ZNF195: variants seen among roughly 807,000 people sequenced by gnomAD.
The protein encoded by ZNF195 is zinc finger protein 195, also known as hypoxia-regulated factor-1.
Under a neutral mutation model 19.5 loss-of-function variants are expected in ZNF195, and 11 were observed. The ratio of observed to expected loss-of-function variants is 0.57; its 90% confidence interval spans 0.36 to 0.94. The LOEUF (loss-of-function observed/expected upper bound fraction) is 0.94. Among genes scored for constraint, ZNF195 ranks in the 40% least tolerant of loss-of-function variants. The pLI, the probability that ZNF195 is intolerant of heterozygous loss-of-function variation, is 0.01. For synonymous variants in ZNF195, 214 were observed against 248.1 expected (o/e 0.86, Z 1.29); for missense variants, 582 against 709.0 (o/e 0.82, Z 2.03).
intron 1 of ZNF195, chr11:3,377,684 G>A (rs1228211010): frequency 2.5e-6 from 3 of 1,214,126 alleles, no homozygotes; most frequent in Admixed American, 5.8e-5. Context: ...CCCTGGAGAG[G>A]CCACACTTCA....
At chr11:3,378,275 AC>A (rs1849565542) in intron 1 of ZNF195, among the ~76,000 whole-genome samples, 1 of 151,988 alleles carries the variant, frequency 6.6e-6, no homozygotes, top group Non-Finnish European at 1.5e-5. Flanking sequence ...GCGCCACTGC[AC>A]TCCAGCCTGG....
Position 3,359,362 on chromosome 11 carries a change from G to C in ZNF195, c.1646C>G (p.Pro549Arg). 6.2e-7 allele frequency: 1 copy of C among 1,614,014 alleles called. No homozygotes were observed. The highest frequency in any genetic ancestry group is 8.5e-7 in the Non-Finnish European group (1 of 1,179,988). Reference sequence around the variant, plus strand: ...TCTGCCACATTCTTCACACTTGTAGGGTTTCTCTCCAGTATGAATTCTCTT... The same window carrying C: ...TCTGCCACATTCTTCACACTTGTAGCGTTTCTCTCCAGTATGAATTCTCTT... The part of the protein sequence containing the change: ...VHKRIHTGEK[P>R]YKCEECGRVF... Residue 549 changes from proline to arginine, a missense_variant, in exon 6 of 6, where the codon CCC becomes CGC. Pro to Arg is a moderately radical substitution (Grantham distance 103, BLOSUM62 -2). This residue lies in a region of ZNF195 where 407 missense variants were observed against 530.5 expected (regional missense o/e 0.77). Transcript: ENST00000399602. This position sits in a 1 kb window ranked among gnomAD's most constrained non-coding sequence, Gnocchi z 5.5.
intron 3 of ZNF195, among the ~76,000 whole-genome samples, chr11:3,365,992 T>A (rs923760608): frequency 6.6e-6 from 1 of 152,066 alleles, no homozygotes; most frequent in Non-Finnish European, 1.5e-5. Context: ...GTGTGGTGGC[T>A]CACGCCTATA....
Position 3,379,071 on chromosome 11 carries a change from C to T in ZNF195, c.-31G>A, listed in dbSNP as rs760471672. 2 of 1,494,474 alleles carry T rather than the reference C, an allele frequency of 1.3e-6. No homozygotes were observed. The highest frequency in any genetic ancestry group is 1.8e-6 in the Non-Finnish European group (2 of 1,111,814). 92.6% of individuals were successfully genotyped at this position (1,494,474 alleles called of 1,614,324 possible). Reference sequence around the variant, plus strand: ...GGCCTCCAGAGAGCCTGGCGTTTCACTTCTGGATCTCCCGGTGCCTGCGGG... The same window carrying T: ...GGCCTCCAGAGAGCCTGGCGTTTCATTTCTGGATCTCCCGGTGCCTGCGGG... On this transcript the variant is annotated 5_prime_UTR_variant, in exon 1 of 6. The change creates a new upstream start codon in the 5' untranslated region. Transcript: ENST00000399602.
chr11:3,360,567 T>G lies in ZNF195; in HGVS notation c.443-2A>C. On this transcript the variant is annotated splice_acceptor_variant, in intron 5 of 5. Transcript: ENST00000399602. LOFTEE classifies it high-confidence loss of function. ...CTTGGGTAAAATGAGAAGACATAGC[T>G]GAAAAAAAAAAAAAAAGTTATCCGA... The G allele has an allele frequency of 6.6e-7, 1 of 1,519,286 alleles. No individual in the cohort carries two copies. Among genetic ancestry groups the G allele is most frequent in the Admixed American group, 2.3e-5 (1 of 43,914 alleles). 94.1% of individuals were successfully genotyped at this position (1,519,286 alleles called of 1,614,324 possible).
intron 3 of ZNF195, among the ~76,000 whole-genome samples, chr11:3,367,463 A>C (rs1848955814): frequency 6.6e-6 from 1 of 152,104 alleles, no homozygotes; most frequent in African/African-American, 2.4e-5. Flanking sequence ...ACTGGCATGC[A>C]GTGGACAGCA....
chr11:3,373,132 G>A (rs1010774766), intron 1 of ZNF195, among the ~76,000 whole-genome samples: 12 of 152,208 alleles, frequency 7.9e-5, no homozygotes, highest in African/African-American at 2.9e-4. Context: ...GAGTTATTCT[G>A]AGAGATAAAT....
intron 3 of ZNF195, among the ~76,000 whole-genome samples, chr11:3,367,385 G>T (rs907385442): frequency 6.6e-6 from 1 of 151,992 alleles, no homozygotes; most frequent in African/African-American, 2.4e-5. Context: ...CATTAAAAAA[G>T]AATTTGCCTA....
Position 3,360,302 on chromosome 11 carries a change from T to C in ZNF195, c.706A>G (p.Ile236Val), listed in dbSNP as rs1484642387. The change falls in exon 6 of 6, where the codon ATA (isoleucine) becomes GTA (valine). Residue 236 changes from isoleucine (I) to valine (V), a missense_variant. Transcript: ENST00000399602. ...AAAGGTTTCTCTCCAGTATTACTTA[T>C]ATTACGTCTATGTAAATTTGAAAAG... is the stretch of plus-strand genomic sequence containing the variant. The part of the protein sequence containing the change: ...DNFSNLHRRN[I>V]SNTGEKPFKC... The C allele has an allele frequency of 2.5e-6, 4 of 1,606,874 alleles. No homozygotes were observed. Among genetic ancestry groups the C allele is most frequent in the East Asian group, 4.5e-5 (2 of 44,844 alleles).
At chr11:3,361,073 A>G (rs1469989059) in intron 4 of ZNF195, among the ~76,000 whole-genome samples, 1 of 152,260 alleles carries the variant, frequency 6.6e-6, no homozygotes, top group African/African-American at 2.4e-5. Context: ...TGACAGCGGT[A>G]GGAAGGCTGC....
chr11:3,368,826 C>A, intron 3 of ZNF195: 1 of 455,688 alleles, frequency 2.2e-6, no homozygotes, highest in Non-Finnish European at 4.4e-6. Context: ...AGATACAATA[C>A]AGACAGTATA....
chr11:3,371,218 G>A, intron 2 of ZNF195, 148 bp from the exon 3 acceptor site: 1 of 757,638 alleles, frequency 1.3e-6, no homozygotes, highest in Non-Finnish European at 2.0e-6. Context: ...AGAATATTCA[G>A]TAAGTATTTT....
chr11:3,359,951 GT>G lies in ZNF195; in HGVS notation c.1056del (p.Lys352AsnfsTer23). On this transcript the variant is annotated frameshift_variant, in exon 6 of 6. Transcript: ENST00000399602. LOFTEE classifies it low-confidence loss of function (END_TRUNC). This position sits in a 1 kb window ranked among gnomAD's most constrained non-coding sequence, Gnocchi z 5.5. The stretch of plus-strand genomic sequence containing the variant: ...CTGCTGCACTCTTCATATTTGCAGG[GT>G]TTTTCCTCAGTACCATGCTCATGTT... ...LTEHEHGTEE[K>X]PCKYEECSSV... 1 of 1,614,162 alleles carries G rather than the reference GT, an allele frequency of 6.2e-7. No individual in the cohort carries two copies.
At chr11:3,360,936 T>C in intron 4 of ZNF195, 148 bp from the exon 5 acceptor site, 1 of 700,632 alleles carries the variant, frequency 1.4e-6, no homozygotes, top group Admixed American at 3.6e-5. Context: ...GCACAAGTGT[T>C]TTTACTTTTG....
chr11:3,375,296 ATAATTT>A (rs1849407754), intron 1 of ZNF195, among the ~76,000 whole-genome samples: 1 of 152,188 alleles, frequency 6.6e-6, no homozygotes, highest in South Asian at 2.1e-4. Flanking sequence ...CAGGGTTTGT[ATAATTT>A]TAATCTATTT....
intron 3 of ZNF195, among the ~76,000 whole-genome samples, chr11:3,370,221 TACACAC>T (rs1849132967): frequency 1.3e-5 from 2 of 151,826 alleles, no homozygotes; most frequent in Non-Finnish European, 2.9e-5. Context: ...CACACATATA[TACACAC>T]ATATATACAT....
intron 4 of ZNF195, 108 bp from the exon 5 acceptor site, chr11:3,360,896 C>A: frequency 1.1e-6 from 1 of 940,666 alleles, no homozygotes. Context: ...CAGCTCTTGG[C>A]TTCTCCTTCA....
intron 4 of ZNF195, among the ~76,000 whole-genome samples, 191 bp from the exon 5 acceptor site, chr11:3,360,979 G>GC (rs1166487933): frequency 1.3e-4 from 20 of 152,164 alleles, no homozygotes; most frequent in Non-Finnish European, 1.8e-4. Context: ...ATTGGTTTCT[G>GC]CCCCCTGTGA....
At chr11:3,362,361 C>A (rs1434109676) in intron 3 of ZNF195, among the ~76,000 whole-genome samples, 1 of 151,750 alleles carries the variant, frequency 6.6e-6, no homozygotes, top group African/African-American at 2.4e-5. Context: ...AATGATGGTG[C>A]AGAAATCACT....
Sources: allele counts gnomAD v4.1 joint callset (sites outside exome capture counted in the v4.1 genomes callset), GRCh38; gene constraint gnomAD v4.1.1; regional missense constraint gnomAD v4.1.1; non-coding constraint Gnocchi (gnomAD v3.1); transcripts MANE v1.5; gene names NCBI Gene and HGNC (gene_info 2026-07-23, HGNC 2026-07-21).